SNAP47: variants seen among roughly 807,000 people sequenced by gnomAD.
SNAP47 encodes synaptosome associated protein 47.
SNAP47 carries 20 observed loss-of-function variants against 31.4 expected under a neutral mutation model. That is an observed-to-expected ratio of 0.64 (90% CI 0.45 to 0.93). SNAP47 has a LOEUF of 0.93. Ranked by LOEUF, SNAP47 falls within the 40% of genes least tolerant of loss-of-function variation. The pLI is 0.00. For missense variants in SNAP47, 492 were observed against 528.5 expected (o/e 0.93, Z 0.68); for synonymous variants, 194 against 213.4 (o/e 0.91, Z 0.79).
rs986265163 is a variant in SNAP47 at position 227,763,142 on chromosome 1, A to G, written c.988+3657A>G. On this transcript the variant is annotated intron_variant, in intron 3 of 4. Transcript: ENST00000617596. This position sits in a 1 kb window ranked among gnomAD's most constrained non-coding sequence, Gnocchi z 4.2. ...CAGCTAATTTTTTTTTTTTTTAATT[A>G]TGGGGTCTTGCCGTGTTGCCTAGGC... 9.3e-5 allele frequency among the ~76,000 whole-genome samples: 14 copies of G among 149,938 alleles called. No individual in the cohort carries two copies. Among genetic ancestry groups the G allele is most frequent in the African/African-American group, 3.2e-4 (13 of 40,772 alleles).
At chr1:227,733,828 C>A, upstream of SNAP47, 1 of 1,595,608 alleles carries the variant, frequency 6.3e-7, no homozygotes. Flanking sequence ...CAAGCAGCCC[C>A]CCTCCTGCCA....
chr1:227,775,964 G>A (rs771712883), intron 4 of SNAP47: 17 of 1,283,676 alleles, frequency 1.3e-5, no homozygotes, highest in Middle Eastern at 3.3e-4. Context: ...AGCGCCCAGG[G>A]CATCCTCCTC....
At chr1:227,743,933 C>T (rs1275991790) in intron 1 of SNAP47, 2 of 152,218 alleles carry the variant, frequency 1.3e-5, no homozygotes, top group South Asian at 2.1e-4. Flanking sequence ...TTCAGCTTCT[C>T]CTAATCTCAG....
chr1:227,777,792 C>A (rs1664248857), intron 4 of SNAP47, among the ~76,000 whole-genome samples: 1 of 152,174 alleles, frequency 6.6e-6, no homozygotes, highest in African/African-American at 2.4e-5. Context: ...CCTGGCCCAG[C>A]CTCCCTTGGA....
In SNAP47 at chr1:227,766,986, A is replaced by C; in HGVS notation, c.1016A>C (p.His339Pro). The change falls in exon 4 of 5, where the codon CAC becomes CCC. Residue 339 changes from histidine to proline, a missense_variant. His to Pro is a moderately conservative substitution (Grantham distance 77). Transcript: ENST00000617596. ...TCTGGGCTGATGGGCCGTACCCTGC[A>C]CCGTGAGCCACCCGCAGGAGACCAG... Reference protein sequence around the residue: ...AASGLMGRTLHREPPAGDQEG... With the variant: ...AASGLMGRTLPREPPAGDQEG... The C allele has an allele frequency of 6.2e-7, 1 of 1,613,936 alleles. No individual in the cohort carries two copies. The highest frequency in any genetic ancestry group is 8.5e-7 in the Non-Finnish European group (1 of 1,180,040).
At chr1:227,754,311 G>A (rs1163916393) in intron 2 of SNAP47, among the ~76,000 whole-genome samples, 1 of 152,230 alleles carries the variant, frequency 6.6e-6, no homozygotes, top group Non-Finnish European at 1.5e-5. Flanking sequence ...TTGAGGTCTG[G>A]CCACCTGTGT....
At chr1:227,756,250 T>C (rs1662684189) in intron 2 of SNAP47, among the ~76,000 whole-genome samples, 1 of 152,358 alleles carries the variant, frequency 6.6e-6, no homozygotes, top group African/African-American at 2.4e-5. Flanking sequence ...CACTTCTGAC[T>C]ATATACAGTT....
At chr1:227,774,592 G>A (rs1006099704) in intron 4 of SNAP47, among the ~76,000 whole-genome samples, 4 of 151,894 alleles carry the variant, frequency 2.6e-5, no homozygotes, top group Admixed American at 6.6e-5. Context: ...GGGCCGCAGC[G>A]CGCAGGGCAG....
At chr1:227,773,836 G>A (rs763767075) in intron 4 of SNAP47, among the ~76,000 whole-genome samples, 35 of 152,298 alleles carry the variant, frequency 2.3e-4, no homozygotes, top group African/African-American at 4.1e-4. Context: ...GTACTCTAGC[G>A]TTGTCCCACG....
At chr1:227,734,532 G>A (rs936078637), upstream of SNAP47, 3 of 874,446 alleles carry the variant, frequency 3.4e-6, no homozygotes, top group East Asian at 2.5e-5. Flanking sequence ...ACTGATTAAA[G>A]TGCCTCACGG....
Position 227,741,744 on chromosome 1 carries a change from G to A in SNAP47, c.-45-5948G>A, listed in dbSNP as rs907983225. On this transcript the variant is annotated intron_variant, in intron 1 of 4. Coordinates refer to ENST00000617596, the MANE Select transcript of SNAP47 (RefSeq NM_053052.4). The surrounding 1 kb of genome is among the most constrained non-coding windows in gnomAD (Gnocchi z 4.2). ...TCGGGTAGGGGAATGGCTGGCCGGC[G>A]TGGGGGCCGTGTTCAAGATTGGGCT... Among the ~76,000 whole-genome samples, 3 of 152,048 alleles carry A rather than the reference G, an allele frequency of 2.0e-5. No individual in the cohort carries two copies. The highest frequency in any genetic ancestry group is 2.9e-5 in the Non-Finnish European group (2 of 68,018).
intron 4 of SNAP47, chr1:227,775,873 C>G: frequency 7.7e-7 from 1 of 1,303,850 alleles, no homozygotes; most frequent in Non-Finnish European, 1.0e-6. Context: ...GAGACAGAGA[C>G]TTTCCTAGCA....
rs78099782 is a variant in SNAP47, at chr1:227,762,753, C to T, written c.988+3268C>T. 4.1e-3 allele frequency among the ~76,000 whole-genome samples: 620 copies of T among 152,292 alleles called. 7 individuals carry two copies. The highest frequency in any genetic ancestry group is 0.014 in the African/African-American group (587 of 41,562). On this transcript the variant is annotated intron_variant, in intron 3 of 4. Coordinates refer to ENST00000617596, the MANE Select transcript of SNAP47 (RefSeq NM_053052.4). The surrounding 1 kb of genome is among the most constrained non-coding windows in gnomAD (Gnocchi z 4.2). ...CCTTGCGTTGAGGAGCACCCAGGAC[C>T]GCACAATCACCCTCCTCACATGTCT...
chr1:227,767,747 G>A (rs1663532593), intron 4 of SNAP47, among the ~76,000 whole-genome samples: 1 of 152,222 alleles, frequency 6.6e-6, no homozygotes, highest in African/African-American at 2.4e-5. Flanking sequence ...TGCTGTGCAT[G>A]TGCGTGCATG....
rs1176585596 is a variant in SNAP47, at chr1:227,741,595, G to C, written c.-46+6096G>C. On this transcript the variant is annotated intron_variant, in intron 1 of 4. Coordinates refer to ENST00000617596, the MANE Select transcript of SNAP47 (RefSeq NM_053052.4). The surrounding 1 kb of genome is among the most constrained non-coding windows in gnomAD (Gnocchi z 4.2). The stretch of plus-strand genomic sequence containing the variant: ...GAGAGTGCAGTGCCTGGCATGGGAG[G>C]GCCGGAGAGGTCTGGGGGCTGAGAG... Among the ~76,000 whole-genome samples the C allele has an allele frequency of 6.6e-6, 1 of 152,160 alleles. No individual in the cohort carries two copies. Among genetic ancestry groups the C allele is most frequent in the Non-Finnish European group, 1.5e-5 (1 of 68,024 alleles).
At chr1:227,748,746 G>A (rs1020189842) in intron 2 of SNAP47, among the ~76,000 whole-genome samples, 1 of 151,976 alleles carries the variant, frequency 6.6e-6, no homozygotes, top group African/African-American at 2.4e-5. Flanking sequence ...GTCACAGAGG[G>A]TGGAGTGAGG....
intron 4 of SNAP47, among the ~76,000 whole-genome samples, chr1:227,773,117 C>T (rs931874730): frequency 6.7e-6 from 1 of 149,856 alleles, no homozygotes; most frequent in East Asian, 2.0e-4. Context: ...TGCACCACCA[C>T]GTCCAGCTAA....
intron 1 of SNAP47, among the ~76,000 whole-genome samples, chr1:227,742,633 C>T (rs577990118): frequency 7.9e-5 from 12 of 152,334 alleles, no homozygotes; most frequent in Admixed American, 3.3e-4. Context: ...CTGTCCACAC[C>T]GTGTCTAGCT....
chr1:227,732,249 A>C (rs1333501620), upstream of SNAP47: 6 of 948,324 alleles, frequency 6.3e-6, no homozygotes, highest in African/African-American at 9.9e-5. Flanking sequence ...ACAGGCACCC[A>C]GGCAGTGGCC....
Sources: allele counts gnomAD v4.1 joint callset (sites outside exome capture counted in the v4.1 genomes callset), GRCh38; gene constraint gnomAD v4.1.1; non-coding constraint Gnocchi (gnomAD v3.1); transcripts MANE v1.5; gene names NCBI Gene and HGNC (gene_info 2026-07-23, HGNC 2026-07-21).